The following CD96 variants were observed in gnomAD, a reference collection of about 807,000 sequenced individuals.
CD96 encodes the protein T-cell surface protein tactile.
A neutral mutation model predicts 71.3 loss-of-function variants in CD96; 70 were observed. The observed-to-expected ratio is 0.98, with a 90% CI of 0.81 to 1.20. The LOEUF (loss-of-function observed/expected upper bound fraction) is 1.20. Among genes scored for constraint, CD96 ranks in the 50% most tolerant of loss-of-function variants. The probability of loss-of-function intolerance (pLI) is 0.00; values close to 1 mark genes in which losing one functional copy is unlikely to be tolerated. For missense variants in CD96, 742 were observed against 677.5 expected (o/e 1.10, Z -1.06); for synonymous variants, 248 against 233.0 (o/e 1.06, Z -0.59).
At chr3:111,627,249 C>T (rs1295380622) in intron 10 of CD96, among the ~76,000 whole-genome samples, 2 of 152,154 alleles carry the variant, frequency 1.3e-5, no homozygotes, top group Non-Finnish European at 2.9e-5. Context: ...GGACAGAGTG[C>T]CTTGTGGGAG....
intron 10 of CD96, among the ~76,000 whole-genome samples, chr3:111,626,361 A>G (rs1032593333): frequency 2.0e-5 from 3 of 151,898 alleles, no homozygotes; most frequent in Admixed American, 6.6e-5. Context: ...ATCAGGAAAT[A>G]TAAATGAAGA....
intron 8 of CD96, among the ~76,000 whole-genome samples, chr3:111,623,491 C>T (rs969740234): frequency 5.9e-5 from 9 of 152,028 alleles, no homozygotes; most frequent in Non-Finnish European, 1.0e-4. Flanking sequence ...ACAGTAGACA[C>T]TGAAATAATA....
At chr3:111,542,374 C>A in intron 1 of CD96, 65 bp downstream of exon 1, 3 of 1,214,452 alleles carry the variant, frequency 2.5e-6, no homozygotes, top group South Asian at 2.4e-5. Context: ...GGCCTCTGTT[C>A]ATTTAAAATG....
chr3:111,661,343 C>T (rs1026147644), intron 14 of CD96, among the ~76,000 whole-genome samples: 1 of 152,164 alleles, frequency 6.6e-6, no homozygotes, highest in Admixed American at 6.5e-5. Context: ...TATCATTCCA[C>T]TCGGGTCCTT....
At chr3:111,595,494 T>G (rs1051032052) in intron 5 of CD96, 1 of 152,104 alleles carries the variant, frequency 6.6e-6, no homozygotes, top group African/African-American at 2.4e-5. Flanking sequence ...CTGCAACACT[T>G]AGACACAGAT....
chr3:111,586,620 G>A (rs55900677), intron 5 of CD96, among the ~76,000 whole-genome samples: 8,318 of 152,210 alleles, frequency 0.055, 302 homozygotes, highest in South Asian at 0.1. Context: ...CAATCATGGC[G>A]GAAGGCAAGA....
chr3:111,638,228 C>G (rs1162126067), intron 12 of CD96, 60 bp downstream of exon 12: 1 of 1,026,224 alleles, frequency 9.7e-7, no homozygotes, highest in African/African-American at 1.6e-5. Flanking sequence ...AAATATTTAT[C>G]AAGTACCTGC....
intron 2 of CD96, among the ~76,000 whole-genome samples, chr3:111,564,815 A>G (rs565091308): frequency 1.2e-3 from 187 of 152,326 alleles, no homozygotes; most frequent in African/African-American, 4.4e-3. Context: ...TAGAGTGTTC[A>G]GTATCCCTAA....
rs141019172 is a variant in CD96 at position 111,574,015 on chromosome 3, T to C, written c.544-5012T>C. ...GTGGGGAGCTTTGCAAGCAGCTTGC[T>C]TTGACAGCACTGACTGGATGGAGAA... On this transcript the variant is annotated intron_variant, in intron 3 of 13. Transcript: ENST00000352690. Among the ~76,000 whole-genome samples the C allele has an allele frequency of 4.7e-3, 716 of 152,352 alleles. 4 individuals are homozygous for C. The highest frequency in any genetic ancestry group is 0.027 in the Middle Eastern group (8 of 294).
At position 111,592,980 on chromosome 3, in the gene CD96, A is replaced by G. The variant is rs558154610; in HGVS notation, c.808-5140A>G. ...GAAAGAGACGCATTGGAAAGGTCCA[A>G]AGATCTGAGGCTCACAGTTCTTTGT... On this transcript the variant is annotated intron_variant, in intron 5 of 13. Coordinates refer to ENST00000352690, the MANE Select transcript of CD96 (RefSeq NM_005816.5). 133 of 152,398 alleles carry G rather than the reference A, an allele frequency of 8.7e-4. 1 individual carries two copies. The highest frequency in any genetic ancestry group is 3.1e-3 in the African/African-American group (130 of 41,572). 9.4% of individuals were successfully genotyped at this position (152,398 alleles called of 1,614,324 possible).
intron 7 of CD96, among the ~76,000 whole-genome samples, chr3:111,602,306 G>T (rs957100913): frequency 4.6e-5 from 7 of 152,090 alleles, no homozygotes; most frequent in African/African-American, 1.4e-4. Context: ...AACAGTGCTT[G>T]ATTTCAGTAT....
intron 8 of CD96, among the ~76,000 whole-genome samples, chr3:111,617,896 G>A (rs942461291): frequency 6.6e-6 from 1 of 152,230 alleles, no homozygotes; most frequent in African/African-American, 2.4e-5. Flanking sequence ...CCCAGGCCAG[G>A]GCTGTAAAAC....
At chr3:111,578,402 A>T (rs1576341486) in intron 3 of CD96, among the ~76,000 whole-genome samples, 2 of 152,346 alleles carry the variant, frequency 1.3e-5, no homozygotes, top group Non-Finnish European at 2.9e-5. Flanking sequence ...GCTAACACAA[A>T]CACAGAAGAA....
intron 11 of CD96, 60 bp downstream of exon 11, chr3:111,637,321 A>G (rs1231761560): frequency 3.3e-6 from 3 of 914,166 alleles, no homozygotes; most frequent in Non-Finnish European, 5.5e-6. Context: ...ATTTGGACAC[A>G]GGTGTAAAAA....
Position 111,623,875 on chromosome 3 carries a change from A to G in CD96, c.1249+53A>G, listed in dbSNP as rs753353705. On this transcript the variant is annotated intron_variant, in intron 9 of 13. Coordinates refer to ENST00000352690, the MANE Select transcript of CD96 (RefSeq NM_005816.5). ...ATTGGAAAGAGACAACACACTCACA[A>G]GTTTTACTACTGCTTCTATAATGTT... 3.7e-6 allele frequency: 4 copies of G among 1,072,762 alleles called. No homozygotes were observed. The East Asian group carries it at 7.1e-5, about 19-fold the overall frequency. 66.5% of individuals were successfully genotyped at this position (1,072,762 alleles called of 1,614,324 possible).
At chr3:111,578,178 G>A (rs1297243) in intron 3 of CD96, among the ~76,000 whole-genome samples, 1 of 152,116 alleles carries the variant, frequency 6.6e-6, no homozygotes, top group African/African-American at 2.4e-5. Flanking sequence ...CTCCTTACTG[G>A]GCCCCTAGTG....
At position 111,594,317 on chromosome 3, in the gene CD96, C is replaced by T. The variant is rs1345514505; in HGVS notation, c.808-3803C>T. On this transcript the variant is annotated intron_variant, in intron 5 of 13. Transcript: ENST00000352690. ...GCCTGTGGTAACTCTTGGGGATTCA[C>T]AATAATGGCCAAAGTCTGGCCACAC... 4.6e-6 allele frequency: 6 copies of T among 1,291,402 alleles called. No homozygotes were observed. The African/African-American group carries it at 8.9e-5, about 19-fold the overall frequency. The allele number at this position is 1,291,402 out of a possible 1,614,324, so 80.0% of individuals were successfully genotyped here.
rs71131971 is a variant in CD96, at chr3:111,626,306, C to CAAAA, written c.1321+1921_1321+1924dup. ...TGGGTGACAGAGTAAGACTCCGTCT[C>CAAAA]AAAAAAAAAAAAAAAAAAAAAAGAA... On this transcript the variant is annotated intron_variant, in intron 10 of 13. Transcript: ENST00000352690. Among the ~76,000 whole-genome samples, 98 of 74,476 alleles carry CAAAA rather than the reference C, an allele frequency of 1.3e-3. 1 individual carries two copies. The highest frequency in any genetic ancestry group is 1.5e-3 in the African/African-American group (26 of 17,658). The allele number at this position is 74,476 out of a possible 152,430, so 48.9% of individuals were successfully genotyped here. A position where few individuals can be genotyped will look rare whatever the true frequency, so the allele number is the denominator to read the frequency against.
intron 8 of CD96, chr3:111,612,880 T>A (rs1938024373): frequency 2.1e-6 from 2 of 935,854 alleles, no homozygotes; most frequent in Non-Finnish European, 1.3e-6. Context: ...TTTCCTCAGT[T>A]GGAAATAAAT....
Sources: gnomAD v4.1 joint callset for allele counts (sites outside exome capture counted in the v4.1 genomes callset) on GRCh38, gnomAD v4.1.1 for gene constraint, MANE v1.5 for transcripts, NCBI Gene and HGNC (gene_info 2026-07-23, HGNC 2026-07-21) for gene names.